Variants in EHMT1 observed in about 807,000 individuals in gnomAD.
The protein encoded by EHMT1 is euchromatic histone lysine methyltransferase 1, also known as histone-lysine N-methyltransferase EHMT1.
In EHMT1, 15 loss-of-function variants were observed where a neutral mutation model predicts 147.2. That is an observed-to-expected ratio of 0.10 (90% CI 0.07 to 0.16). The LOEUF (loss-of-function observed/expected upper bound fraction) is 0.16. Ranked by LOEUF, EHMT1 falls within the 10% of genes least tolerant of loss-of-function variation. EHMT1 has a pLI of 1.00. For synonymous variants in EHMT1, 795 were observed against 709.6 expected (o/e 1.12, Z -1.91); for missense variants, 1,587 against 1,772.4 (o/e 0.90, Z 1.88).
chr9:137,690,360 G>C (rs940282630), intron 1 of EHMT1, among the ~76,000 whole-genome samples: 3 of 152,034 alleles, frequency 2.0e-5, no homozygotes, highest in Non-Finnish European at 4.4e-5. Context: ...TCAGACAGCA[G>C]GAGGCTGAGC....
chr9:137,698,152 C>T (rs1172454357), intron 1 of EHMT1, among the ~76,000 whole-genome samples: 1 of 152,238 alleles, frequency 6.6e-6, no homozygotes, highest in East Asian at 1.9e-4. Flanking sequence ...GCCACTGTCA[C>T]AAGCGCTGAG....
At chr9:137,641,198 C>A in intron 1 of EHMT1, 1 of 416,550 alleles carries the variant, frequency 2.4e-6, no homozygotes, top group South Asian at 2.0e-5. Flanking sequence ...GGTGAAGAAC[C>A]TGTCTGGTTC....
intron 1 of EHMT1, among the ~76,000 whole-genome samples, chr9:137,705,153 C>T (rs911475205): frequency 1.3e-5 from 2 of 152,054 alleles, no homozygotes; most frequent in Non-Finnish European, 2.9e-5. Flanking sequence ...CCACTCCTAG[C>T]TAATTTTTAA....
intron 1 of EHMT1, among the ~76,000 whole-genome samples, chr9:137,686,609 G>A (rs1942457208): frequency 6.6e-6 from 1 of 151,764 alleles, no homozygotes; most frequent in Non-Finnish European, 1.5e-5. Flanking sequence ...ATGCTGATCT[G>A]GAACTCCTGG....
intron 25 of EHMT1, among the ~76,000 whole-genome samples, chr9:137,827,443 C>CA (rs1564834588): frequency 8.7e-6 from 1 of 114,796 alleles, no homozygotes; most frequent in Non-Finnish European, 2.2e-5. Context: ...GACCCACGCC[C>CA]GGACCCCAGA....
At chr9:137,811,355 C>T in intron 18 of EHMT1, 106 bp from the exon 19 acceptor site, 3 of 1,538,148 alleles carry the variant, frequency 2.0e-6, no homozygotes, top group South Asian at 2.2e-5. Flanking sequence ...GCCACGCATG[C>T]TCCAGAGCCT....
At chr9:137,635,331 C>T (rs981750913) in intron 1 of EHMT1, among the ~76,000 whole-genome samples, 5 of 151,436 alleles carry the variant, frequency 3.3e-5, no homozygotes, top group South Asian at 2.1e-4. Flanking sequence ...CTAAGCCTCT[C>T]GACTAGCTAG....
At chr9:137,718,050 C>T (rs1262979555) in intron 3 of EHMT1, among the ~76,000 whole-genome samples, 2 of 150,710 alleles carry the variant, frequency 1.3e-5, no homozygotes, top group Non-Finnish European at 3.0e-5. Context: ...ACGCAGGGTG[C>T]GCCCACCCCT....
intron 1 of EHMT1, among the ~76,000 whole-genome samples, chr9:137,639,879 T>C (rs1844357077): frequency 2.0e-5 from 3 of 152,220 alleles, no homozygotes; most frequent in African/African-American, 2.4e-5. Flanking sequence ...AGCTGTGATA[T>C]CAGAATGCCC....
chr9:137,637,266 C>T (rs1200827436), intron 1 of EHMT1, among the ~76,000 whole-genome samples: 1 of 152,116 alleles, frequency 6.6e-6, no homozygotes, highest in Non-Finnish European at 1.5e-5. Flanking sequence ...GCCTCCGCCT[C>T]CTGGGTTCAA....
intron 1 of EHMT1, among the ~76,000 whole-genome samples, chr9:137,657,758 C>CT (rs1449143357): frequency 6.6e-6 from 1 of 151,808 alleles, no homozygotes; most frequent in Non-Finnish European, 1.5e-5. Context: ...AGTACTAGTT[C>CT]TTACTCTATG....
chr9:137,655,251 AGGT>A (rs1938318946), intron 1 of EHMT1, among the ~76,000 whole-genome samples: 1 of 152,078 alleles, frequency 6.6e-6, no homozygotes, highest in Non-Finnish European at 1.5e-5. Context: ...TCCTGACCTC[AGGT>A]GGTCTGCCCG....
Position 137,742,859 on chromosome 9 carries a change from G to T in EHMT1, c.824-512G>T, listed in dbSNP as rs545103586. The T allele has an allele frequency of 8.5e-5, 17 of 198,858 alleles. No homozygotes were observed. In the South Asian group the frequency reaches 1.5e-3, roughly 17 times the overall value. 12.3% of individuals were successfully genotyped at this position (198,858 alleles called of 1,614,324 possible). A position where few individuals can be genotyped will look rare whatever the true frequency, so the allele number is the denominator to read the frequency against. ...GCTGTGGAGTCACAGGGGTGGACCT[G>T]GCACAGAGCTTGTGTCCTAGGAAGA... On this transcript the variant is annotated intron_variant, in intron 4 of 26. Coordinates refer to ENST00000460843, the MANE Select transcript of EHMT1 (RefSeq NM_024757.5).
chr9:137,771,788 A>C (rs73669162), intron 10 of EHMT1, among the ~76,000 whole-genome samples: 8,477 of 152,134 alleles, frequency 0.056, 757 homozygotes, highest in African/African-American at 0.19. Flanking sequence ...TGCCACTGGG[A>C]AGGAAGGGAG....
chr9:137,779,746 T>G (rs770154670), intron 14 of EHMT1, 29 bp downstream of exon 14: 26 of 1,611,088 alleles, frequency 1.6e-5, no homozygotes, highest in African/African-American at 5.3e-5. Flanking sequence ...CCCGGGCACA[T>G]GCAGCCGGCC....
At chr9:137,646,534 T>C in intron 1 of EHMT1, 2 of 811,214 alleles carry the variant, frequency 2.5e-6, no homozygotes, top group Non-Finnish European at 2.9e-6. Flanking sequence ...TGCCCAACCC[T>C]GGAGCCTGGG....
chr9:137,799,943 C>T (rs1425441690), intron 17 of EHMT1, among the ~76,000 whole-genome samples: 1 of 152,222 alleles, frequency 6.6e-6, no homozygotes, highest in Non-Finnish European at 1.5e-5. Context: ...CTCCAGGAGG[C>T]TGCGCTCTGC....
chr9:137,744,764 G>A (rs901742844), intron 6 of EHMT1, among the ~76,000 whole-genome samples: 12 of 152,238 alleles, frequency 7.9e-5, no homozygotes, highest in African/African-American at 2.7e-4. Flanking sequence ...TGGGCCAGGC[G>A]TGCTCTCTTC....
chr9:137,699,085 C>T (rs1943626425), intron 1 of EHMT1, among the ~76,000 whole-genome samples: 1 of 152,176 alleles, frequency 6.6e-6, no homozygotes, highest in Admixed American at 6.5e-5. Flanking sequence ...GGTGCAGGTG[C>T]GGCTGAGGAG....
Sources: allele counts gnomAD v4.1 joint callset (sites outside exome capture counted in the v4.1 genomes callset), GRCh38; gene constraint gnomAD v4.1.1; transcripts MANE v1.5; gene names NCBI Gene and HGNC (gene_info 2026-07-23, HGNC 2026-07-21).